Variants in FAM135B observed in about 807,000 individuals in gnomAD.
The protein encoded by FAM135B is protein FAM135B.
In FAM135B, 43 loss-of-function variants were observed where a neutral mutation model predicts 127.7. The observed-to-expected ratio is 0.34, with a 90% CI of 0.26 to 0.43. FAM135B has a LOEUF of 0.43. Among genes scored for constraint, FAM135B ranks in the 20% least tolerant of loss-of-function variants. The probability of loss-of-function intolerance (pLI) is 1.00; values close to 1 mark genes in which losing one functional copy is unlikely to be tolerated. For synonymous variants in FAM135B, 670 were observed against 665.1 expected, an observed-to-expected ratio of 1.01 and a Z score of -0.11; for missense variants, 1,558 against 1,725.6, an observed-to-expected ratio of 0.90 and a Z score of 1.72.
chr8:138,369,221 G>C (rs999926762), intron 1 of FAM135B, among the ~76,000 whole-genome samples: 3 of 152,174 alleles, frequency 2.0e-5, no homozygotes, highest in Admixed American at 6.5e-5. Context: ...TCTGGGAAGG[G>C]AGAGAATGAG....
chr8:138,479,307 C>G (rs1023485486), intron 1 of FAM135B, among the ~76,000 whole-genome samples: 1 of 152,138 alleles, frequency 6.6e-6, no homozygotes, highest in Non-Finnish European at 1.5e-5. Flanking sequence ...AATTAAGTTT[C>G]CAGCCCCTCT....
chr8:138,173,731 C>T (rs1174607326), intron 11 of FAM135B, among the ~76,000 whole-genome samples: 5 of 152,186 alleles, frequency 3.3e-5, no homozygotes, highest in Non-Finnish European at 4.4e-5. Context: ...TTAAAACTTA[C>T]AATTAACACA....
intron 1 of FAM135B, among the ~76,000 whole-genome samples, chr8:138,380,392 C>A (rs1831774782): frequency 6.6e-6 from 1 of 151,990 alleles, no homozygotes; most frequent in South Asian, 2.1e-4. Flanking sequence ...TGGGGTTTTG[C>A]CATGTTGGCC....
Position 138,335,722 on chromosome 8 carries a change from C to A in FAM135B, c.78-24802G>T, listed in dbSNP as rs550533411. Among the ~76,000 whole-genome samples the A allele has an allele frequency of 7.2e-5, 11 of 152,244 alleles. No individual in the cohort carries two copies. The South Asian group carries it at 1.9e-3, about 26-fold the overall frequency. ...CGAGACAGAAAGTTAACAAGGATATCCAGGAATTGAGCTCAGCTCTGCACC... is the reference window on the plus strand; with the variant it reads ...CGAGACAGAAAGTTAACAAGGATATACAGGAATTGAGCTCAGCTCTGCACC... On this transcript the variant is annotated intron_variant, in intron 2 of 19. Coordinates refer to ENST00000395297, the MANE Select transcript of FAM135B (RefSeq NM_015912.4).
chr8:138,328,023 A>T (rs1827926701), intron 2 of FAM135B, among the ~76,000 whole-genome samples: 1 of 152,238 alleles, frequency 6.6e-6, no homozygotes, highest in East Asian at 1.9e-4. Context: ...AATTTTCATC[A>T]GGGCCTTATT....
chr8:138,390,551 T>G (rs1385611142), intron 1 of FAM135B, among the ~76,000 whole-genome samples: 1 of 152,176 alleles, frequency 6.6e-6, no homozygotes, highest in Admixed American at 6.5e-5. Flanking sequence ...TAATATAGTG[T>G]CCTATACTTT....
chr8:138,494,640 A>T (rs554114377), intron 1 of FAM135B, among the ~76,000 whole-genome samples: 35 of 152,340 alleles, frequency 2.3e-4, no homozygotes, highest in Non-Finnish European at 4.4e-4. Context: ...GGTTCCTTCC[A>T]GAAATTATAA....
intron 1 of FAM135B, among the ~76,000 whole-genome samples, chr8:138,436,463 G>A (rs954628028): frequency 3.9e-5 from 6 of 152,264 alleles, no homozygotes; most frequent in African/African-American, 1.4e-4. Context: ...TGGGCAGCAG[G>A]AATCAAAGTG....
At chr8:138,271,868 T>G (rs1823403219) in intron 3 of FAM135B, among the ~76,000 whole-genome samples, 1 of 152,204 alleles carries the variant, frequency 6.6e-6, no homozygotes, top group Non-Finnish European at 1.5e-5. Flanking sequence ...CTAGATACTT[T>G]ATGTTCCTTA....
intron 4 of FAM135B, among the ~76,000 whole-genome samples, chr8:138,264,382 C>T (rs929935251): frequency 2.0e-5 from 3 of 152,208 alleles, no homozygotes; most frequent in African/African-American, 7.2e-5. Flanking sequence ...TCTTGCACAG[C>T]AGGACCATCA....
intron 7 of FAM135B, among the ~76,000 whole-genome samples, chr8:138,238,959 C>G (rs954651186): frequency 6.6e-6 from 1 of 152,130 alleles, no homozygotes; most frequent in African/African-American, 2.4e-5. Flanking sequence ...ACAAATAAAC[C>G]ATTTTATCTG....
intron 7 of FAM135B, among the ~76,000 whole-genome samples, chr8:138,207,162 C>A (rs1307402227): frequency 6.6e-6 from 1 of 151,506 alleles, no homozygotes; most frequent in African/African-American, 2.4e-5. Context: ...ATCTTCTATT[C>A]TCAGCTACTT....
chr8:138,159,073 CCATCCTGG>C (rs1819077552), intron 12 of FAM135B, among the ~76,000 whole-genome samples: 1 of 149,580 alleles, frequency 6.7e-6, no homozygotes, highest in Non-Finnish European at 1.5e-5. Context: ...GAGATCGAGA[CCATCCTGG>C]CTAACAAGGT....
At chr8:138,202,921 G>T (rs1458954158) in intron 7 of FAM135B, among the ~76,000 whole-genome samples, 1 of 152,118 alleles carries the variant, frequency 6.6e-6, no homozygotes, top group Non-Finnish European at 1.5e-5. Flanking sequence ...AATCAAATAG[G>T]CCTGTACCTC....
At chr8:138,474,560 C>T (rs1814285083) in intron 1 of FAM135B, among the ~76,000 whole-genome samples, 2 of 152,050 alleles carry the variant, frequency 1.3e-5, no homozygotes, top group Admixed American at 6.5e-5. Flanking sequence ...CTGAAGTTGT[C>T]ATCCTGAGAA....
In FAM135B at chr8:138,497,203, G is replaced by A. The variant is rs1435720846; in HGVS notation, c.-552C>T. 6.6e-6 allele frequency among the ~76,000 whole-genome samples: 1 copy of A among 150,934 alleles called. No homozygotes were observed. Among genetic ancestry groups the A allele is most frequent in the Non-Finnish European group, 1.5e-5 (1 of 67,674 alleles). On this transcript the variant is annotated 5_prime_UTR_variant, in exon 1 of 20. Transcript: ENST00000395297. ...CGCGGCCGGGAGAGCCCGCCCTGCT[G>A]CTCCCGCTGGCTCCGCTCCGCAGCC...
intron 1 of FAM135B, among the ~76,000 whole-genome samples, chr8:138,392,979 T>C (rs1563963901): frequency 6.6e-6 from 1 of 152,164 alleles, no homozygotes; most frequent in Non-Finnish European, 1.5e-5. Flanking sequence ...GAGTTTTAAT[T>C]GGACTTAAAG....
chr8:138,413,004 G>A (rs1398682012), intron 1 of FAM135B, among the ~76,000 whole-genome samples: 1 of 152,192 alleles, frequency 6.6e-6, no homozygotes, highest in African/African-American at 2.4e-5. Flanking sequence ...GAGATGCTCA[G>A]TCAGTGAAAC....
At chr8:138,381,018 C>T (rs368775876) in intron 1 of FAM135B, among the ~76,000 whole-genome samples, 24 of 152,104 alleles carry the variant, frequency 1.6e-4, no homozygotes, top group African/African-American at 4.3e-4. Flanking sequence ...ATGGTTTGGG[C>T]GGTTGTTGCA....
Sources: gnomAD v4.1 joint callset for allele counts (sites outside exome capture counted in the v4.1 genomes callset) on GRCh38, gnomAD v4.1.1 for gene constraint, MANE v1.5 for transcripts, NCBI Gene and HGNC (gene_info 2026-07-23, HGNC 2026-07-21) for gene names.